The following PRKCB variants were observed in gnomAD, a reference collection of about 807,000 sequenced individuals.
PRKCB encodes protein kinase C beta.
PRKCB carries 13 observed loss-of-function variants against 81.5 expected under a neutral mutation model. The observed-to-expected ratio is 0.16, with a 90% CI of 0.10 to 0.25. The LOEUF is 0.25. Among genes scored for constraint, PRKCB ranks in the 10% least tolerant of loss-of-function variants. The pLI, the probability that PRKCB is intolerant of heterozygous loss-of-function variation, is 1.00. For synonymous variants in PRKCB, 335 were observed against 321.4 expected, an observed-to-expected ratio of 1.04 and a Z score of -0.45; for missense variants, 509 against 875.7, an observed-to-expected ratio of 0.58 and a Z score of 5.29.
intron 2 of PRKCB, among the ~76,000 whole-genome samples, chr16:23,939,891 G>A (rs528699585): frequency 2.0e-5 from 3 of 152,232 alleles, no homozygotes; most frequent in Admixed American, 6.5e-5. Flanking sequence ...TCTGCAAAAC[G>A]CTGTTGAGAG....
intron 2 of PRKCB, among the ~76,000 whole-genome samples, chr16:23,956,315 G>A (rs1964348893): frequency 6.6e-6 from 1 of 151,912 alleles, no homozygotes. Context: ...TGTAGAGATG[G>A]GGTTTTGCCC....
intron 2 of PRKCB, among the ~76,000 whole-genome samples, chr16:23,959,680 G>A (rs1213881423): frequency 1.3e-5 from 2 of 151,952 alleles, no homozygotes; most frequent in Non-Finnish European, 2.9e-5. Flanking sequence ...TGAGCAGCCT[G>A]CAATCTTGGG....
chr16:24,176,466 T>A (rs1409841219), intron 12 of PRKCB, among the ~76,000 whole-genome samples: 2 of 152,216 alleles, frequency 1.3e-5, no homozygotes, highest in Non-Finnish European at 2.9e-5. Context: ...CCCATGCCCA[T>A]GTTTGCCCTC....
At chr16:24,071,494 G>A (rs1449964268) in intron 5 of PRKCB, among the ~76,000 whole-genome samples, 3 of 148,856 alleles carry the variant, frequency 2.0e-5, no homozygotes, top group African/African-American at 2.5e-5. Flanking sequence ...GGAATAAGAG[G>A]AGCCCGTCCA....
At chr16:24,004,566 G>A (rs572196296) in intron 3 of PRKCB, among the ~76,000 whole-genome samples, 2 of 151,896 alleles carry the variant, frequency 1.3e-5, no homozygotes, top group East Asian at 3.9e-4. Context: ...GATGTGGGAG[G>A]ATCACTTAAG....
intron 8 of PRKCB, among the ~76,000 whole-genome samples, chr16:24,120,221 C>G (rs1966783846): frequency 6.6e-6 from 1 of 151,872 alleles, no homozygotes; most frequent in Non-Finnish European, 1.5e-5. Flanking sequence ...CGACTGGGAA[C>G]TTTTGGAGGG....
intron 1 of PRKCB, 67 bp from the exon 2 acceptor site, chr16:23,837,308 T>C (rs1962180651): frequency 1.3e-6 from 2 of 1,595,172 alleles, no homozygotes; most frequent in African/African-American, 2.7e-5. Flanking sequence ...CGGGTGACTC[T>C]GTGGGTAACT....
At chr16:24,168,433 T>C (rs1307991457) in intron 10 of PRKCB, among the ~76,000 whole-genome samples, 1 of 151,740 alleles carries the variant, frequency 6.6e-6, no homozygotes, top group Non-Finnish European at 1.5e-5. Flanking sequence ...TAGCAACATA[T>C]AAATATAACC....
chr16:23,882,006 CTTT>C (rs1963120716), intron 2 of PRKCB, among the ~76,000 whole-genome samples: 3 of 101,442 alleles, frequency 3.0e-5, no homozygotes, highest in African/African-American at 1.1e-4. Flanking sequence ...TTCTTTCTTT[CTTT>C]CTTTCTTTCT....
intron 2 of PRKCB, among the ~76,000 whole-genome samples, chr16:23,886,708 C>T (rs1963209645): frequency 6.6e-6 from 1 of 152,150 alleles, no homozygotes; most frequent in African/African-American, 2.4e-5. Flanking sequence ...CCACCGTGCC[C>T]AGCCGTGTTA....
chr16:24,138,163 G>A (rs1966871525), intron 9 of PRKCB, among the ~76,000 whole-genome samples: 1 of 152,226 alleles, frequency 6.6e-6, no homozygotes, highest in Non-Finnish European at 1.5e-5. Context: ...GTTCAAACCA[G>A]GGAGCCTGGC....
At chr16:24,048,092 G>T (rs904367391) in intron 5 of PRKCB, among the ~76,000 whole-genome samples, 1 of 152,226 alleles carries the variant, frequency 6.6e-6, no homozygotes, top group African/African-American at 2.4e-5. Context: ...GAGCAGCCTC[G>T]CTGTCTGGTT....
chr16:23,894,270 A>C (rs1204751395), intron 2 of PRKCB, among the ~76,000 whole-genome samples: 3 of 152,208 alleles, frequency 2.0e-5, no homozygotes, highest in Non-Finnish European at 4.4e-5. Flanking sequence ...GCCCGGAGAC[A>C]GTTTGAGAAG....
intron 2 of PRKCB, among the ~76,000 whole-genome samples, chr16:23,876,730 T>TAAA (rs61313831): frequency 1.3e-4 from 1 of 7,818 alleles, no homozygotes; most frequent in South Asian, 4.9e-3. Context: ...AGAGTTGAAC[T>TAAA]AATTTAAGGA....
intron 5 of PRKCB, among the ~76,000 whole-genome samples, chr16:24,069,739 C>G (rs1966083901): frequency 6.6e-6 from 1 of 152,038 alleles, no homozygotes; most frequent in Non-Finnish European, 1.5e-5. Context: ...GACTTTGTAT[C>G]AAAACAAAAC....
At chr16:23,950,568 A>G (rs1391247558) in intron 2 of PRKCB, among the ~76,000 whole-genome samples, 1 of 152,168 alleles carries the variant, frequency 6.6e-6, no homozygotes, top group African/African-American at 2.4e-5. Context: ...TCCTTTTAAA[A>G]TAGGCTGAGG....
chr16:24,134,528 C>T (rs1323372628), intron 9 of PRKCB, among the ~76,000 whole-genome samples: 1 of 152,022 alleles, frequency 6.6e-6, no homozygotes, highest in Non-Finnish European at 1.5e-5. Flanking sequence ...AGGCAGATCA[C>T]GAGGTCAGGA....
chr16:24,041,619 C>T (rs1361651046), intron 5 of PRKCB, among the ~76,000 whole-genome samples: 1 of 152,010 alleles, frequency 6.6e-6, no homozygotes, highest in Non-Finnish European at 1.5e-5. Context: ...TGAAACATCT[C>T]CCTGACAGCC....
chr16:23,888,217 T>C (rs1383765624), intron 2 of PRKCB, among the ~76,000 whole-genome samples: 1 of 152,226 alleles, frequency 6.6e-6, no homozygotes, highest in African/African-American at 2.4e-5. Flanking sequence ...AGTTTCAGGC[T>C]GCCTCTTAGG....
Sources: allele counts gnomAD v4.1 joint callset (sites outside exome capture counted in the v4.1 genomes callset), GRCh38; gene constraint gnomAD v4.1.1; transcripts MANE v1.5; gene names NCBI Gene and HGNC (gene_info 2026-07-23, HGNC 2026-07-21).